The following FYB1 variants were observed in gnomAD, a reference collection of about 807,000 sequenced individuals.
FYB1 encodes the protein FYN binding protein 1.
FYB1 carries 41 observed loss-of-function variants against 94.1 expected under a neutral mutation model. The ratio of observed to expected loss-of-function variants is 0.44; its 90% CI spans 0.34 to 0.57. The LOEUF is 0.57. Among genes scored for constraint, FYB1 ranks in the 20% least tolerant of loss-of-function variants. The pLI is 0.02. For synonymous variants in FYB1, 367 were observed against 353.2 expected, an observed-to-expected ratio of 1.04 and a Z score of -0.44; for missense variants, 1,050 against 976.8, an observed-to-expected ratio of 1.07 and a Z score of -1.00.
chr5:39,171,884 C>A (rs1269740741), intron 2 of FYB1, among the ~76,000 whole-genome samples: 2 of 152,008 alleles, frequency 1.3e-5, no homozygotes, highest in East Asian at 1.9e-4. Flanking sequence ...GTGGGAAAAG[C>A]CTTGTTAAGA....
chr5:39,111,282 T>C (rs1005046370), intron 16 of FYB1, among the ~76,000 whole-genome samples: 4 of 152,032 alleles, frequency 2.6e-5, no homozygotes, highest in African/African-American at 4.8e-5. Context: ...GTACCATTTA[T>C]TGCTTCCTCA....
intron 3 of FYB1, among the ~76,000 whole-genome samples, chr5:39,145,549 TA>T (rs1742568013): frequency 1.3e-5 from 2 of 152,180 alleles, no homozygotes; most frequent in Non-Finnish European, 2.9e-5. Flanking sequence ...ACAAGTCACA[TA>T]ATATAAATTT....
chr5:39,265,494 A>AG (rs1324849026), intron 1 of FYB1, among the ~76,000 whole-genome samples: 13 of 149,972 alleles, frequency 8.7e-5, no homozygotes, highest in Admixed American at 8.0e-4. Context: ...AAAAAAAAAA[A>AG]AAAGAAAAAA....
intron 14 of FYB1, among the ~76,000 whole-genome samples, chr5:39,120,363 C>T (rs916857631): frequency 6.6e-5 from 10 of 151,766 alleles, no homozygotes; most frequent in Non-Finnish European, 1.3e-4. Flanking sequence ...CTGCTAGGAT[C>T]CAGGTATAGA....
intron 17 of FYB1, among the ~76,000 whole-genome samples, chr5:39,109,250 G>A (rs145485764): frequency 1.3e-5 from 2 of 151,838 alleles, no homozygotes; most frequent in Non-Finnish European, 2.9e-5. Flanking sequence ...TGGAGGGAGG[G>A]TTTGGCTAAC....
intron 18 of FYB1, 87 bp from the exon 19 acceptor site, chr5:39,107,552 C>G: frequency 1.2e-6 from 1 of 844,138 alleles, no homozygotes; most frequent in Non-Finnish European, 1.8e-6. Context: ...GTGATTCATA[C>G]TCTCCTGGTT....
At chr5:39,236,278 A>G (rs1677447) in intron 1 of FYB1, among the ~76,000 whole-genome samples, 24,276 of 151,876 alleles carry the variant, frequency 0.16, 5,127 homozygotes, top group African/African-American at 0.47. Flanking sequence ...AGAGACCAGT[A>G]TGTCTTGGAA....
intron 2 of FYB1, among the ~76,000 whole-genome samples, chr5:39,191,224 G>A (rs1011702783): frequency 2.6e-5 from 4 of 152,154 alleles, no homozygotes; most frequent in African/African-American, 7.2e-5. Context: ...AACCAGGGGA[G>A]CTGTTTTATT....
chr5:39,263,374 G>A (rs1220047575), intron 1 of FYB1, among the ~76,000 whole-genome samples: 1 of 151,872 alleles, frequency 6.6e-6, no homozygotes, highest in Non-Finnish European at 1.5e-5. Flanking sequence ...CATAGTACAG[G>A]ATTTTTTTTT....
Position 39,156,536 on chromosome 5 carries a change from A to G in FYB1, c.1136-2932T>C, listed in dbSNP as rs117612341. On this transcript the variant is annotated intron_variant, in intron 2 of 18. Coordinates refer to ENST00000512982, the MANE Select transcript of FYB1 (RefSeq NM_001465.6). ...GATAGTTTGAAAGACATAATGAGGCACTAAACTAATTGAACATACTCTTCC... is the reference window on the plus strand; with the variant it reads ...GATAGTTTGAAAGACATAATGAGGCGCTAAACTAATTGAACATACTCTTCC... Among the ~76,000 whole-genome samples, 1,604 of 152,354 alleles carry G rather than the reference A, an allele frequency of 0.011. 64 individuals are homozygous for G. In the East Asian group the frequency reaches 0.13, roughly 13 times the overall value.
intron 2 of FYB1, among the ~76,000 whole-genome samples, chr5:39,155,689 T>C (rs1743685119): frequency 6.6e-6 from 1 of 152,132 alleles, no homozygotes; most frequent in Non-Finnish European, 1.5e-5. Flanking sequence ...TTTGTTGTTG[T>C]TGTTTTTTGT....
chr5:39,233,386 T>C (rs80234418), intron 1 of FYB1, among the ~76,000 whole-genome samples: 4,171 of 152,206 alleles, frequency 0.027, 140 homozygotes, highest in African/African-American at 0.073. Context: ...CAGTTAATCA[T>C]TGCTTACAAG....
rs1198656163 is a variant in FYB1, at chr5:39,208,357, T to C, written c.-27-5370A>G. Among the ~76,000 whole-genome samples, 3 of 152,220 alleles carry C rather than the reference T, an allele frequency of 2.0e-5. No homozygotes were observed. In the South Asian group the frequency reaches 6.2e-4, roughly 31 times the overall value. Reference sequence around the variant, plus strand: ...AATAAAATGACTTCATTTGATTGCATGTAATGCTTCTAATCATGGTGGAGG... The same window carrying C: ...AATAAAATGACTTCATTTGATTGCACGTAATGCTTCTAATCATGGTGGAGG... On this transcript the variant is annotated intron_variant, in intron 1 of 18. Coordinates refer to ENST00000512982, the MANE Select transcript of FYB1 (RefSeq NM_001465.6).
intron 1 of FYB1, among the ~76,000 whole-genome samples, chr5:39,213,603 G>T (rs1247852543): frequency 1.3e-5 from 2 of 152,158 alleles, no homozygotes; most frequent in Non-Finnish European, 1.5e-5. Context: ...CAATCTGAAA[G>T]GGGAAACAAC....
chr5:39,232,544 T>C (rs1008234809), intron 1 of FYB1, among the ~76,000 whole-genome samples: 4 of 148,984 alleles, frequency 2.7e-5, no homozygotes, highest in South Asian at 2.1e-4. Context: ...TATTTATTTA[T>C]TTATTTTTTA....
At position 39,137,502 on chromosome 5, in the gene FYB1, A is replaced by G. The variant is rs957967400; in HGVS notation, c.1515+98T>C. 8 of 1,352,308 alleles carry G rather than the reference A, an allele frequency of 5.9e-6. No homozygotes were observed. The African/African-American group carries it at 1.0e-4, about 17-fold the overall frequency. 83.8% of individuals were successfully genotyped at this position (1,352,308 alleles called of 1,614,324 possible). A position where few individuals can be genotyped will look rare whatever the true frequency, so the allele number is the denominator to read the frequency against. On this transcript the variant is annotated intron_variant, in intron 7 of 18. Transcript: ENST00000512982. ...ACTCTTTAGAGAATAATGAATAAGT[A>G]ATTCTTCAACTATGTAAGTTTTCAA...
chr5:39,124,915 C>CCACACACACACACACACACACA (rs56887056), intron 12 of FYB1, among the ~76,000 whole-genome samples: 1 of 139,476 alleles, frequency 7.2e-6, no homozygotes, highest in African/African-American at 2.7e-5. Context: ...TAAATACACT[C>CCACACACACACACACACACACA]CACACACACA....
chr5:39,231,571 T>C (rs897209521), intron 1 of FYB1, among the ~76,000 whole-genome samples: 5 of 152,140 alleles, frequency 3.3e-5, no homozygotes, highest in Admixed American at 2.0e-4. Flanking sequence ...TAAGAAATTA[T>C]TACACATTGG....
chr5:39,169,104 T>TA, intron 2 of FYB1: 1 of 640,922 alleles, frequency 1.6e-6, no homozygotes, highest in Non-Finnish European at 2.8e-6. Flanking sequence ...CTTGTAGTGA[T>TA]AAAATAATCT....
Sources: gnomAD v4.1 joint callset for allele counts (sites outside exome capture counted in the v4.1 genomes callset) on GRCh38, gnomAD v4.1.1 for gene constraint, MANE v1.5 for transcripts, NCBI Gene and HGNC (gene_info 2026-07-23, HGNC 2026-07-21) for gene names.